SUGCT: variants seen among roughly 807,000 people sequenced by gnomAD.
The protein encoded by SUGCT is succinyl-CoA:glutarate-CoA transferase, also known as succinyl-CoA:glutarate CoA-transferase.
SUGCT carries 41 observed loss-of-function variants against 55.0 expected under a neutral mutation model. The observed-to-expected ratio is 0.74, with a 90% confidence interval of 0.58 to 0.97. The LOEUF is 0.97. Among genes scored for constraint, SUGCT ranks in the 50% least tolerant of loss-of-function variants. The pLI is 0.00. For missense variants in SUGCT, 568 were observed against 547.8 expected, an observed-to-expected ratio of 1.04 and a Z score of -0.37; for synonymous variants, 187 against 200.4, an observed-to-expected ratio of 0.93 and a Z score of 0.56.
chr7:40,366,120 A>C (rs1402385090), intron 9 of SUGCT, among the ~76,000 whole-genome samples: 3 of 152,174 alleles, frequency 2.0e-5, no homozygotes, highest in Non-Finnish European at 4.4e-5. Context: ...CATATCTACA[A>C]CTATCCGATC....
intron 12 of SUGCT, among the ~76,000 whole-genome samples, chr7:40,651,833 A>G (rs756086248): frequency 2.0e-5 from 3 of 152,070 alleles, no homozygotes; most frequent in South Asian, 2.1e-4. Flanking sequence ...GTTTGAGTTT[A>G]TGCGTCATTG....
intron 10 of SUGCT, among the ~76,000 whole-genome samples, chr7:40,452,897 CTT>C (rs1018982314): frequency 1.3e-5 from 2 of 152,152 alleles, no homozygotes; most frequent in Admixed American, 1.3e-4. Context: ...TATTAAAAGA[CTT>C]TGAAAAGTAA....
the SUGCT span, among the ~76,000 whole-genome samples, chr7:40,959,132 G>A: frequency 3.3e-5 from 5 of 152,190 alleles, no homozygotes; most frequent in Non-Finnish European, 7.3e-5. Flanking sequence ...TCCCAGTCAG[G>A]AGGCACAGGG....
the SUGCT span, among the ~76,000 whole-genome samples, chr7:40,927,328 G>T: frequency 2.0e-5 from 3 of 152,110 alleles, no homozygotes; most frequent in African/African-American, 7.2e-5. Flanking sequence ...CCTTTCTCTT[G>T]TCTTGCCTTG....
chr7:41,015,175 C>T, the SUGCT span, among the ~76,000 whole-genome samples: 3 of 152,142 alleles, frequency 2.0e-5, no homozygotes, highest in South Asian at 6.2e-4. Context: ...GGAGCAGAAG[C>T]AGAGATCGAA....
In SUGCT at chr7:40,504,859, G is replaced by T. The variant is rs141838028; in HGVS notation, c.1089+8473G>T. Among the ~76,000 whole-genome samples the T allele has an allele frequency of 4.3e-3, 662 of 152,250 alleles. 8 individuals carry two copies. Among genetic ancestry groups the T allele is most frequent in the African/African-American group, 0.015 (612 of 41,566 alleles). ...AAGAGATTATTTATAAATTCTTGAT[G>T]ATTTAGGAATGTCTTATTTAGTATC... On this transcript the variant is annotated intron_variant, in intron 12 of 13. Transcript: ENST00000335693.
chr7:40,364,992 A>G (rs1783854160), intron 9 of SUGCT, among the ~76,000 whole-genome samples: 2 of 152,308 alleles, frequency 1.3e-5, no homozygotes, highest in Admixed American at 6.5e-5. Flanking sequence ...TCCTTGATGA[A>G]CATTGATGCA....
At chr7:40,893,725 A>G in the SUGCT span, among the ~76,000 whole-genome samples, 1 of 152,172 alleles carries the variant, frequency 6.6e-6, no homozygotes, top group Non-Finnish European at 1.5e-5. Flanking sequence ...ATCCTAGGCA[A>G]AAAGAACAAA....
At chr7:40,556,564 T>C (rs867325842) in intron 12 of SUGCT, among the ~76,000 whole-genome samples, 1 of 152,224 alleles carries the variant, frequency 6.6e-6, no homozygotes, top group Non-Finnish European at 1.5e-5. Flanking sequence ...GTAGAATGAA[T>C]GAATGCTTGA....
chr7:41,015,665 A>G, the SUGCT span, among the ~76,000 whole-genome samples: 1 of 152,214 alleles, frequency 6.6e-6, no homozygotes, highest in African/African-American at 2.4e-5. Flanking sequence ...AGTCAACTGC[A>G]TTGAGGTAAT....
chr7:40,766,318 C>A (rs902300208), intron 13 of SUGCT, among the ~76,000 whole-genome samples: 5 of 152,114 alleles, frequency 3.3e-5, no homozygotes, highest in Non-Finnish European at 7.4e-5. Flanking sequence ...TCAAGCAATT[C>A]TCCCACCTCA....
chr7:40,629,160 A>T (rs1004482992), intron 12 of SUGCT, among the ~76,000 whole-genome samples: 6 of 152,170 alleles, frequency 3.9e-5, no homozygotes, highest in African/African-American at 1.4e-4. Flanking sequence ...AGCGCAGTTC[A>T]TGCCTATCTT....
chr7:40,143,623 A>G lies in SUGCT; in HGVS notation c.100+8503A>G, dbSNP rs376812024. ...AATATTTGATCCATTCCAACCAGGC[A>G]TTTGCATCTTGGTATCTTGTCTTAA... is the stretch of plus-strand genomic sequence containing the variant. On this transcript the variant is annotated intron_variant, in intron 1 of 13. Transcript: ENST00000335693. 1.7e-3 allele frequency among the ~76,000 whole-genome samples: 253 copies of G among 152,328 alleles called. 4 individuals carry two copies. The South Asian group carries it at 0.022, about 13-fold the overall frequency.
chr7:40,988,257 A>T, the SUGCT span, among the ~76,000 whole-genome samples: 1 of 148,790 alleles, frequency 6.7e-6, no homozygotes, highest in African/African-American at 2.5e-5. Flanking sequence ...TGTTTAATTT[A>T]AATGTGTTTA....
the SUGCT span, among the ~76,000 whole-genome samples, chr7:40,957,412 G>A: frequency 7.1e-6 from 1 of 140,836 alleles, no homozygotes; most frequent in African/African-American, 2.6e-5. Context: ...TTGGTTTAAA[G>A]TTGGTTTTAT....
chr7:40,942,428 C>A, the SUGCT span, among the ~76,000 whole-genome samples: 1 of 152,104 alleles, frequency 6.6e-6, no homozygotes, highest in Non-Finnish European at 1.5e-5. Context: ...GCTGATAATT[C>A]TGCTGCTAGT....
At chr7:40,528,139 A>G (rs1793903202) in intron 12 of SUGCT, among the ~76,000 whole-genome samples, 1 of 152,190 alleles carries the variant, frequency 6.6e-6, no homozygotes, top group Admixed American at 6.5e-5. Context: ...TTACCTTGAA[A>G]GACTACAGTG....
chr7:40,324,962 A>C (rs889181685), intron 9 of SUGCT, among the ~76,000 whole-genome samples: 1 of 152,346 alleles, frequency 6.6e-6, no homozygotes, highest in Admixed American at 6.5e-5. Context: ...TTACATGATT[A>C]AATAAAATAA....
At chr7:40,245,404 C>CATATATATATATATATACATATATATAT (rs1789754237) in intron 7 of SUGCT, among the ~76,000 whole-genome samples, 9 of 53,308 alleles carry the variant, frequency 1.7e-4, no homozygotes, top group Non-Finnish European at 2.5e-4. Flanking sequence ...ACGTAGTAGA[C>CATATATATATATATATACATATATATAT]ATATATATAT....
Sources: allele counts gnomAD v4.1 joint callset (sites outside exome capture counted in the v4.1 genomes callset), GRCh38; gene constraint gnomAD v4.1.1; transcripts MANE v1.5; gene names NCBI Gene and HGNC (gene_info 2026-07-23, HGNC 2026-07-21).